The following SZT2 variants were observed in gnomAD, a reference collection of about 807,000 sequenced individuals.
The protein encoded by SZT2 is SZT2 subunit of KICSTOR complex.
A neutral mutation model predicts 404.2 loss-of-function variants in SZT2; 216 were observed. The observed-to-expected ratio is 0.53, with a 90% CI of 0.48 to 0.60. The LOEUF is 0.60. SZT2 is among the 20% of genes least tolerant of loss of function. The pLI is 0.00. For missense variants in SZT2, 3,857 were observed against 4,459.2 expected (o/e 0.86, Z 3.85); for synonymous variants, 1,693 against 1,749.9 (o/e 0.97, Z 0.81).
At chr1:43,430,252 G>T (rs954972094) in intron 30 of SZT2, 59 bp from the exon 31 acceptor site, 59 of 1,594,580 alleles carry the variant, frequency 3.7e-5, no homozygotes, top group African/African-American at 3.4e-4. Flanking sequence ...AATCCCACTT[G>T]CCTAGGATGA....
chr1:43,418,089 C>T (rs1254362429), intron 7 of SZT2, among the ~76,000 whole-genome samples: 1 of 152,100 alleles, frequency 6.6e-6, no homozygotes, highest in Non-Finnish European at 1.5e-5. Context: ...GGATCTTTTT[C>T]AGAGCCATTT....
At position 43,438,711 on chromosome 1, in the gene SZT2, C is replaced by T. The variant is rs757630324; in HGVS notation, c.6521C>T (p.Thr2174Met). ...TGGCTGTGTCAAGGTCCTGAGATCA[C>T]GGATGAGCTCGTGCGAGTTCTATGT... ...HGVGQAGPEI[T>M]DELVRVLCRR... Residue 2174 changes from threonine to methionine, a missense_variant, in exon 47 of 72, where the codon ACG becomes ATG. Physicochemically the swap from Thr to Met is moderately conservative, Grantham distance 81. Coordinates refer to ENST00000634258, the MANE Select transcript of SZT2 (RefSeq NM_001365999.1). The T allele has an allele frequency of 5.0e-6, 8 of 1,613,912 alleles. No individual in the cohort carries two copies. The highest frequency in any genetic ancestry group is 2.7e-5 in the African/African-American group (2 of 74,892).
rs1654339818 is a variant in SZT2, at chr1:43,435,273, TG to T, written c.5979del (p.Trp1994GlyfsTer52). 1 of 1,614,260 alleles carries T rather than the reference TG, an allele frequency of 6.2e-7. No individual in the cohort carries two copies. The highest frequency in any genetic ancestry group is 8.5e-7 in the Non-Finnish European group (1 of 1,180,046). ...SLLVAESEED[L>X]WRSETPFHSR... ...CTGGTGGCCGAGAGTGAAGAAGATC[TG>T]TGGCGCAGTGAGACTCCCTTCCACT... On this transcript the variant is annotated frameshift_variant, in exon 42 of 72. Transcript: ENST00000634258. LOFTEE classifies it high-confidence loss of function.
rs1182276662 is a variant in SZT2 at position 43,427,161 on chromosome 1, CTCCCAGCTACCTTCTCAGG to C, written c.3417_3433+2del. ...CCCCCAGCATGTGTTTCTGACTTTTCTCCCAGCTACCTTCTCAGGTGCCAGCTGCTGACCTCCTCACGAA... is the reference window on the plus strand; with the variant it reads ...CCCCCAGCATGTGTTTCTGACTTTTCTGCCAGCTGCTGACCTCCTCACGAA... On this transcript the variant is annotated splice_donor_variant and coding_sequence_variant, in exon 24 of 72. Coordinates refer to ENST00000634258, the MANE Select transcript of SZT2 (RefSeq NM_001365999.1). LOFTEE classifies it high-confidence loss of function. 1 of 1,614,110 alleles carries C rather than the reference CTCCCAGCTACCTTCTCAGG, an allele frequency of 6.2e-7. No individual in the cohort carries two copies. The highest frequency in any genetic ancestry group is 8.5e-7 in the Non-Finnish European group (1 of 1,180,054).
In SZT2 at chr1:43,441,324, G is replaced by A; in HGVS notation, c.7455G>A (p.Arg2485=). The A allele has an allele frequency of 6.2e-7, 1 of 1,614,230 alleles. No individual in the cohort carries two copies. Among genetic ancestry groups the A allele is most frequent in the Non-Finnish European group, 8.5e-7 (1 of 1,180,040 alleles). Residue 2485 remains arginine (R), a synonymous_variant, in exon 53 of 72, where the codon CGG becomes CGA. Transcript: ENST00000634258. The surrounding 1 kb of genome is among the most constrained non-coding windows in gnomAD (Gnocchi z 4.8). ...GRRRHKTESV[R]TPGGAERAPG... is the part of the protein sequence containing the mutation. ...GGCGTCACAAAACCGAGAGTGTTCGGACTCCTGGTGGAGCTGAGCGGGCGC... is the reference window on the plus strand; with the variant it reads ...GGCGTCACAAAACCGAGAGTGTTCGAACTCCTGGTGGAGCTGAGCGGGCGC...
chr1:43,411,617 C>T (rs1216419946), intron 4 of SZT2, among the ~76,000 whole-genome samples: 1 of 152,168 alleles, frequency 6.6e-6, no homozygotes, highest in East Asian at 1.9e-4. Flanking sequence ...ACCTAGGGCT[C>T]ACCCAGCCCC....
intron 1 of SZT2, among the ~76,000 whole-genome samples, chr1:43,396,977 G>A (rs1200678975): frequency 6.6e-6 from 1 of 152,254 alleles, no homozygotes; most frequent in Non-Finnish European, 1.5e-5. Context: ...TGATAGAAGA[G>A]TGAAAAATTA....
intron 4 of SZT2, among the ~76,000 whole-genome samples, chr1:43,407,297 C>T (rs1265353573): frequency 4.6e-5 from 7 of 152,032 alleles, no homozygotes; most frequent in Admixed American, 3.9e-4. Flanking sequence ...TGAGGCCAAG[C>T]GTTTGAGACC....
chr1:43,441,596 A>G lies in SZT2; in HGVS notation c.7604A>G (p.Gln2535Arg). The change falls in exon 54 of 72, where the codon CAG becomes CGG. Residue 2535 changes from glutamine to arginine, a missense_variant. By Grantham distance (43) the Gln-to-Arg change is conservative. This residue lies in a region of SZT2 where 573 missense variants were observed against 592.4 expected (regional missense o/e 0.97). Transcript: ENST00000634258. This position sits in a 1 kb window ranked among gnomAD's most constrained non-coding sequence, Gnocchi z 4.8. ...CAGCGCTGGATGGAGTTTATGGTTC[A>G]GATTGGTGAGACCCCAGCCTCCCCT... ...VAQRWMEFMV[Q>R]IGCASVSRSS... 6.2e-7 allele frequency: 1 copy of G among 1,614,128 alleles called. No individual in the cohort carries two copies. The highest frequency in any genetic ancestry group is 8.5e-7 in the Non-Finnish European group (1 of 1,180,012).
Position 43,404,565 on chromosome 1 carries a change from C to T in SZT2, c.498+15C>T. On this transcript the variant is annotated intron_variant, in intron 4 of 71. Transcript: ENST00000634258. Reference sequence around the variant, plus strand: ...AGTCCCACCAGGTATTGCATCATCTCTCCAAGTTTGTACCCTCAGACCAAA... The same window carrying T: ...AGTCCCACCAGGTATTGCATCATCTTTCCAAGTTTGTACCCTCAGACCAAA... The T allele has an allele frequency of 6.2e-7, 1 of 1,607,632 alleles. No individual in the cohort carries two copies. Among genetic ancestry groups the T allele is most frequent in the Non-Finnish European group, 8.5e-7 (1 of 1,175,894 alleles).
At position 43,452,943 on chromosome 1, in the gene SZT2, C is replaced by T. The variant is rs757507960; in HGVS notation, c.*2463C>T. The stretch of plus-strand genomic sequence containing the variant: ...AACGCTGCCAAATACACCAGGCCTC[C>T]TCTTGCCACAGCACCCTTGCAAGGA... On this transcript the variant is annotated 3_prime_UTR_variant, in exon 72 of 72. Coordinates refer to ENST00000634258, the MANE Select transcript of SZT2 (RefSeq NM_001365999.1). 4 of 1,609,410 alleles carry T rather than the reference C, an allele frequency of 2.5e-6. No individual in the cohort carries two copies. Among genetic ancestry groups the T allele is most frequent in the Non-Finnish European group, 3.4e-6 (4 of 1,178,586 alleles).
intron 1 of SZT2, among the ~76,000 whole-genome samples, chr1:43,390,465 C>T (rs1648154495): frequency 6.6e-6 from 1 of 152,176 alleles, no homozygotes; most frequent in African/African-American, 2.4e-5. Context: ...CGGACTGAGA[C>T]CTCGTTCCAA....
Position 43,419,845 on chromosome 1 carries a change from C to T in SZT2, c.991C>T (p.Pro331Ser), listed in dbSNP as rs777097445. 4 of 1,598,518 alleles carry T rather than the reference C, an allele frequency of 2.5e-6. No individual in the cohort carries two copies. In the Admixed American group the frequency reaches 6.7e-5, roughly 27 times the overall value. Residue 331 changes from proline (P) to serine (S), a missense_variant, in exon 8 of 72, where the codon CCG (proline) becomes TCG (serine). By Grantham distance (74) the Pro-to-Ser change is moderately conservative. Transcript: ENST00000634258. ...GTCCTACCTGTCCACTTGTCCTGAGCCGGAGCCAGGCAACCTGGGTCTGAC... is the reference window on the plus strand; with the variant it reads ...GTCCTACCTGTCCACTTGTCCTGAGTCGGAGCCAGGCAACCTGGGTCTGAC... ...FGSYLSTCPE[P>S]EPGNLGLTVY...
chr1:43,419,628 G>A, intron 7 of SZT2, 106 bp from the exon 8 acceptor site: 1 of 872,000 alleles, frequency 1.1e-6, no homozygotes. Context: ...CCCACTCTGT[G>A]GTCCAGGGAA....
At position 43,443,495 on chromosome 1, in the gene SZT2, A is replaced by C; in HGVS notation, c.8625+18A>C. 6.2e-7 allele frequency: 1 copy of C among 1,614,000 alleles called. No individual in the cohort carries two copies. The highest frequency in any genetic ancestry group is 8.5e-7 in the Non-Finnish European group (1 of 1,179,946). On this transcript the variant is annotated intron_variant, in intron 61 of 71. Coordinates refer to ENST00000634258, the MANE Select transcript of SZT2 (RefSeq NM_001365999.1). ...ACGGGCAGGTAAGGCTGACTCCCAG[A>C]CTTCTAGCAGACCTTTGCTTACCCC...
chr1:43,453,494 T>C lies in SZT2; in HGVS notation c.*3014T>C. 1 of 1,552,610 alleles carries C rather than the reference T, an allele frequency of 6.4e-7. No homozygotes were observed. The highest frequency in any genetic ancestry group is 8.7e-7 in the Non-Finnish European group (1 of 1,147,290). On this transcript the variant is annotated 3_prime_UTR_variant, in exon 72 of 72. Transcript: ENST00000634258. ...CAGCCCCATTTCCCCCTTCTCTTGGTCTCCTGCAGAGAGAACGGGCCTCAG... is the reference window on the plus strand; with the variant it reads ...CAGCCCCATTTCCCCCTTCTCTTGGCCTCCTGCAGAGAGAACGGGCCTCAG...
rs1398630404 is a variant in SZT2, at chr1:43,439,547, C to T, written c.6878-58C>T. On this transcript the variant is annotated intron_variant, in intron 49 of 71. Transcript: ENST00000634258. The surrounding 1 kb of genome is among the most constrained non-coding windows in gnomAD (Gnocchi z 4.2). ...CCAGGCTTGCAGCTGAGTGGAGGGTCGTGGGAGGGGTGGTCTGCAAGTCCC... is the reference window on the plus strand; with the variant it reads ...CCAGGCTTGCAGCTGAGTGGAGGGTTGTGGGAGGGGTGGTCTGCAAGTCCC... The T allele has an allele frequency of 5.6e-6, 9 of 1,607,760 alleles. No homozygotes were observed. Among genetic ancestry groups the T allele is most frequent in the African/African-American group, 2.7e-5 (2 of 74,796 alleles).
rs751645418 is a variant in SZT2, at chr1:43,427,351, T to C, written c.3504T>C (p.Asp1168=). Residue 1168 remains aspartate, a synonymous_variant, in exon 25 of 72, where the codon GAT becomes GAC. Coordinates refer to ENST00000634258, the MANE Select transcript of SZT2 (RefSeq NM_001365999.1). ...PQEETKPKFG[D]WSGAPSLKDL... ...AGGAGACAAAGCCTAAGTTTGGGGA[T>C]TGGAGTGGGGCTCCCAGTCTGAAAG... 1 of 1,614,016 alleles carries C rather than the reference T, an allele frequency of 6.2e-7. No homozygotes were observed. The highest frequency in any genetic ancestry group is 8.5e-7 in the Non-Finnish European group (1 of 1,180,006).
At chr1:43,403,928 G>A in intron 3 of SZT2, 154 bp downstream of exon 3, 1 of 830,872 alleles carries the variant, frequency 1.2e-6, no homozygotes, top group Non-Finnish European at 1.9e-6. Flanking sequence ...AAGAGCACTG[G>A]GCCAGCTGTG....
Sources: gnomAD v4.1 joint callset for allele counts (sites outside exome capture counted in the v4.1 genomes callset) on GRCh38, gnomAD v4.1.1 for gene constraint, gnomAD v4.1.1 regional missense constraint, Gnocchi (gnomAD v3.1) non-coding constraint, MANE v1.5 for transcripts, NCBI Gene and HGNC (gene_info 2026-07-23, HGNC 2026-07-21) for gene names.